TCF7L2: variants seen among roughly 807,000 people sequenced by gnomAD.
TCF7L2 encodes the protein transcription factor 7-like 2.
A neutral mutation model predicts 77.9 loss-of-function variants in TCF7L2; 23 were observed. The ratio of observed to expected loss-of-function variants is 0.30; its 90% CI spans 0.21 to 0.42. The LOEUF (loss-of-function observed/expected upper bound fraction) is 0.42. Among genes scored for constraint, TCF7L2 ranks in the 10% least tolerant of loss-of-function variants. The pLI, the probability that TCF7L2 is intolerant of heterozygous loss-of-function variation, is 1.00. For synonymous variants in TCF7L2, 413 were observed against 340.2 expected, an observed-to-expected ratio of 1.21 and a Z score of -2.36; for missense variants, 654 against 793.1, an observed-to-expected ratio of 0.82 and a Z score of 2.11.
chr10:113,049,433 G>GC, intron 5 of TCF7L2, among the ~76,000 whole-genome samples: 1 of 151,938 alleles, frequency 6.6e-6, no homozygotes, highest in Non-Finnish European at 1.5e-5. Flanking sequence ...CAACCCATCA[G>GC]CCCATCCCAC....
intron 5 of TCF7L2, among the ~76,000 whole-genome samples, chr10:113,052,744 A>C (rs1373520031): frequency 1.3e-5 from 2 of 152,144 alleles, no homozygotes; most frequent in Non-Finnish European, 2.9e-5. Context: ...ATTTTTATGC[A>C]TTCTACCTGT....
At chr10:112,953,098 C>T (rs1430825173) in intron 3 of TCF7L2, among the ~76,000 whole-genome samples, 1 of 151,906 alleles carries the variant, frequency 6.6e-6, no homozygotes, top group Non-Finnish European at 1.5e-5. Context: ...TGGCCGAGGG[C>T]TTGCCGGACG....
chr10:113,014,622 T>TA (rs1249708907), intron 4 of TCF7L2, among the ~76,000 whole-genome samples: 1 of 151,822 alleles, frequency 6.6e-6, no homozygotes, highest in Non-Finnish European at 1.5e-5. Flanking sequence ...CCGTCTCTAC[T>TA]AAAAATACAT....
At chr10:113,102,363 A>G (rs2061760076) in intron 5 of TCF7L2, among the ~76,000 whole-genome samples, 3 of 151,634 alleles carry the variant, frequency 2.0e-5, no homozygotes, top group Admixed American at 6.6e-5. Context: ...GAATTACAGT[A>G]TATAAGGCAA....
intron 5 of TCF7L2, among the ~76,000 whole-genome samples, chr10:113,075,525 A>AT (rs1284244821): frequency 6.6e-5 from 10 of 152,086 alleles, no homozygotes; most frequent in South Asian, 2.1e-4. Context: ...TTGCAAATGT[A>AT]TTTTTTTTAA....
intron 12 of TCF7L2, among the ~76,000 whole-genome samples, 170 bp downstream of exon 13, chr10:113,158,887 G>GTT (rs370713981): frequency 1.5e-3 from 194 of 128,842 alleles, no homozygotes; most frequent in African/African-American, 5.1e-3. Flanking sequence ...AGTTGCTTCT[G>GTT]TTTTTTTTTT....
At position 113,167,115 on chromosome 10, in the gene TCF7L2, C is replaced by T. The variant is rs761485546; in HGVS notation, c.*1143C>T. 3 of 229,382 alleles carry T rather than the reference C, an allele frequency of 1.3e-5. No individual in the cohort carries two copies. Among genetic ancestry groups the T allele is most frequent in the Non-Finnish European group, 1.7e-5 (2 of 115,832 alleles). The allele number at this position is 229,382 out of a possible 1,614,324, so 14.2% of individuals were successfully genotyped here. On this transcript the variant is annotated 3_prime_UTR_variant, in exon 14 of 14. Coordinates refer to ENST00000627217, the MANE Select transcript of TCF7L2 (RefSeq NM_001146274.2). ...TTTAGCTTTCTCCCTCTTTTTGATGCTGTAATTTTTGTTCATCATGTTTTG... is the reference window on the plus strand; with the variant it reads ...TTTAGCTTTCTCCCTCTTTTTGATGTTGTAATTTTTGTTCATCATGTTTTG...
Position 113,159,837 on chromosome 10 carries a change from C to T in TCF7L2, c.1319-782C>T, listed in dbSNP as rs1413020506. On this transcript the variant is annotated intron_variant, in intron 12 of 13. Coordinates refer to ENST00000627217, the MANE Select transcript of TCF7L2 (RefSeq NM_001146274.2). ...TTATTTGTATCTTTCTCTTCCCCCC[C>T]CCCCCCCCTCTTTCTCTCTCTCTCT... The T allele has an allele frequency of 2.3e-5, 3 of 131,222 alleles. 1 individual carries two copies. The highest frequency in any genetic ancestry group is 2.3e-4 in the Admixed American group (2 of 8,830). 8.1% of individuals were successfully genotyped at this position (131,222 alleles called of 1,614,324 possible). A position where few individuals can be genotyped will look rare whatever the true frequency, so the allele number is the denominator to read the frequency against.
At chr10:113,125,729 T>C (rs1436656475) in intron 5 of TCF7L2, 1 of 152,236 alleles carries the variant, frequency 6.6e-6, no homozygotes, top group Non-Finnish European at 1.5e-5. Context: ...CAAGATAATT[T>C]GTGCTGGTTT....
At position 113,072,943 on chromosome 10, in the gene TCF7L2, G is replaced by A. The variant is rs139773445; in HGVS notation, c.552+32817G>A. ...GTCCAGGTAAAAATGTGAAGACCAT[G>A]GTTTTGAGGTTTCTTAATAAATTCA... is the stretch of plus-strand genomic sequence containing the variant. On this transcript the variant is annotated intron_variant, in intron 5 of 13. Coordinates refer to ENST00000627217, the MANE Select transcript of TCF7L2 (RefSeq NM_001146274.2). 9.9e-5 allele frequency among the ~76,000 whole-genome samples: 15 copies of A among 152,206 alleles called. No homozygotes were observed. In the East Asian group the frequency reaches 2.5e-3, roughly 26 times the overall value.
chr10:113,166,614 G>T lies in TCF7L2; in HGVS notation c.*642G>T, dbSNP rs3793883. 21 of 229,678 alleles carry T rather than the reference G, an allele frequency of 9.1e-5. No individual in the cohort carries two copies. The Middle Eastern group carries it at 7.9e-3, about 86-fold the overall frequency. The allele number at this position is 229,678 out of a possible 1,614,324, so 14.2% of individuals were successfully genotyped here. A position where few individuals can be genotyped will look rare whatever the true frequency, so the allele number is the denominator to read the frequency against. On this transcript the variant is annotated 3_prime_UTR_variant, in exon 14 of 14. Transcript: ENST00000627217. ...ACTCAACACTTAATAGAATCACAACGCTGTTGGGCCAGTAGTATTTATTGC... is the reference window on the plus strand; with the variant it reads ...ACTCAACACTTAATAGAATCACAACTCTGTTGGGCCAGTAGTATTTATTGC...
rs537335857 is a variant in TCF7L2, at chr10:113,001,184, G to A, written c.450+36560G>A. On this transcript the variant is annotated intron_variant, in intron 4 of 13. Coordinates refer to ENST00000627217, the MANE Select transcript of TCF7L2 (RefSeq NM_001146274.2). ...CGGTTTGAGAACTCCGGGCTCTCCC[G>A]TCTTCGGATGGCTCCTGTGAAAGCA... Among the ~76,000 whole-genome samples the A allele has an allele frequency of 1.6e-4, 25 of 152,300 alleles. No homozygotes were observed. The South Asian group carries it at 2.7e-3, about 16-fold the overall frequency.
intron 5 of TCF7L2, among the ~76,000 whole-genome samples, chr10:113,135,024 A>G (rs1312143071): frequency 2.0e-5 from 3 of 152,222 alleles, no homozygotes; most frequent in Non-Finnish European, 4.4e-5. Flanking sequence ...TCTGTTGATT[A>G]ATAGGTTGCG....
At chr10:112,951,713 C>CGCCTCCTCCCCTCCCT (rs1483878948) in intron 3 of TCF7L2, 106 bp downstream of exon 3, 1 of 515,304 alleles carries the variant, frequency 1.9e-6, no homozygotes, top group African/African-American at 2.2e-5. Flanking sequence ...TCCCCCTCCC[C>CGCCTCCTCCCCTCCCT]GCCTCCTCCC....
intron 5 of TCF7L2, among the ~76,000 whole-genome samples, chr10:113,106,188 G>C (rs1591759528): frequency 1.3e-5 from 2 of 152,144 alleles, no homozygotes; most frequent in African/African-American, 4.8e-5. Flanking sequence ...ACTGTGGTTG[G>C]GGTGGGTGGG....
chr10:113,007,184 T>G (rs1191795562), intron 4 of TCF7L2, among the ~76,000 whole-genome samples: 3 of 152,206 alleles, frequency 2.0e-5, no homozygotes, highest in Non-Finnish European at 2.9e-5. Context: ...TGGGGTAGCA[T>G]CTGGCTCTCT....
chr10:112,958,247 A>G (rs759345490), intron 3 of TCF7L2, among the ~76,000 whole-genome samples: 3 of 152,192 alleles, frequency 2.0e-5, no homozygotes, highest in Non-Finnish European at 4.4e-5. Flanking sequence ...AGGTCGGTCT[A>G]CGGAGGAAGG....
intron 5 of TCF7L2, among the ~76,000 whole-genome samples, chr10:113,104,843 C>G (rs1308059617): frequency 1.3e-5 from 2 of 152,182 alleles, no homozygotes; most frequent in African/African-American, 2.4e-5. Context: ...ACAGTACCAT[C>G]CCATTAGCTT....
At chr10:112,961,204 G>A (rs1002942591) in intron 3 of TCF7L2, among the ~76,000 whole-genome samples, 6 of 134,348 alleles carry the variant, frequency 4.5e-5, no homozygotes, top group African/African-American at 9.2e-5. Context: ...TAGTAGAGAC[G>A]GGGTTTCACC....
Sources: allele counts gnomAD v4.1 joint callset (sites outside exome capture counted in the v4.1 genomes callset), GRCh38; gene constraint gnomAD v4.1.1; transcripts MANE v1.5; gene names NCBI Gene and HGNC (gene_info 2026-07-23, HGNC 2026-07-21).